Variants in PKNOX2 observed in about 807,000 individuals in gnomAD.
PKNOX2 encodes the protein homeobox protein PKNOX2.
Under a neutral mutation model 53.1 loss-of-function variants are expected in PKNOX2, and 14 were observed. That is an observed-to-expected ratio of 0.26 (90% CI 0.17 to 0.41). The LOEUF (loss-of-function observed/expected upper bound fraction) is 0.41, where lower values mean the gene tolerates loss of function less well. PKNOX2 is among the 10% of genes least tolerant of loss of function. The pLI, the probability that PKNOX2 is intolerant of heterozygous loss-of-function variation, is 1.00. For missense variants in PKNOX2, 496 were observed against 602.8 expected (o/e 0.82, Z 1.85); for synonymous variants, 257 against 242.8 (o/e 1.06, Z -0.54).
chr11:125,196,915 G>C (rs763991902), intron 1 of PKNOX2, among the ~76,000 whole-genome samples: 1 of 152,180 alleles, frequency 6.6e-6, no homozygotes, highest in Admixed American at 6.5e-5. Context: ...AGTAGTGCCT[G>C]GTATGCGGGT....
At chr11:125,216,441 GTGAGTCCCGGCAGGTGCTGAGGGGGCC>G (rs1489837382) in intron 1 of PKNOX2, among the ~76,000 whole-genome samples, 8 of 152,198 alleles carry the variant, frequency 5.3e-5, no homozygotes, top group Non-Finnish European at 8.8e-5. Context: ...TGGTAGGGGG[GTGAGTCCCGGCAGGTGCTGAGGGGGCC>G]TGAGAAACCC....
At chr11:125,291,355 A>T (rs899372860) in intron 2 of PKNOX2, among the ~76,000 whole-genome samples, 2 of 152,122 alleles carry the variant, frequency 1.3e-5, no homozygotes, top group African/African-American at 4.8e-5. Context: ...GCTTGGACTC[A>T]TCCCCTTCTT....
chr11:125,299,010 T>G (rs1444737286), intron 2 of PKNOX2, among the ~76,000 whole-genome samples: 1 of 152,114 alleles, frequency 6.6e-6, no homozygotes, highest in Non-Finnish European at 1.5e-5. Context: ...CTCACAGTTC[T>G]GCAGGCTGTA....
At chr11:125,400,119 G>C (rs1954649173) in intron 7 of PKNOX2, among the ~76,000 whole-genome samples, 1 of 152,124 alleles carries the variant, frequency 6.6e-6, no homozygotes, top group East Asian at 1.9e-4. Context: ...CGGCAGAAAG[G>C]CCATTGATCA....
At chr11:125,169,641 C>T (rs1281626930) in intron 1 of PKNOX2, among the ~76,000 whole-genome samples, 2 of 152,190 alleles carry the variant, frequency 1.3e-5, no homozygotes, top group African/African-American at 2.4e-5. Context: ...GTATCACACA[C>T]AGTTCTCACT....
At chr11:125,316,819 G>T (rs533528433) in intron 2 of PKNOX2, among the ~76,000 whole-genome samples, 1 of 152,306 alleles carries the variant, frequency 6.6e-6, no homozygotes, top group African/African-American at 2.4e-5. Context: ...GGATGGGGTG[G>T]CTGTGGCAAT....
At chr11:125,358,868 G>A (rs962158307) in intron 4 of PKNOX2, among the ~76,000 whole-genome samples, 12 of 152,196 alleles carry the variant, frequency 7.9e-5, no homozygotes, top group African/African-American at 2.9e-4. Flanking sequence ...GGCAGGCATG[G>A]GAGCTGGGAG....
At chr11:125,271,600 C>G (rs1421448653) in intron 2 of PKNOX2, among the ~76,000 whole-genome samples, 1 of 152,218 alleles carries the variant, frequency 6.6e-6, no homozygotes, top group Non-Finnish European at 1.5e-5. Context: ...TCAGAGGAGT[C>G]TCAGTTCCTG....
intron 1 of PKNOX2, among the ~76,000 whole-genome samples, chr11:125,180,594 C>T (rs1004670588): frequency 1.1e-4 from 16 of 152,258 alleles, no homozygotes; most frequent in East Asian, 3.9e-4. Context: ...TCACAGAGCT[C>T]GGAGCCAGAA....
At chr11:125,327,337 G>A (rs1447276438) in intron 2 of PKNOX2, among the ~76,000 whole-genome samples, 1 of 152,238 alleles carries the variant, frequency 6.6e-6, no homozygotes, top group Non-Finnish European at 1.5e-5. Flanking sequence ...AGTGCTGGAG[G>A]TGGGGAGGTC....
chr11:125,312,618 C>A (rs1242226355), intron 2 of PKNOX2, among the ~76,000 whole-genome samples: 1 of 152,144 alleles, frequency 6.6e-6, no homozygotes, highest in Non-Finnish European at 1.5e-5. Context: ...CCCACCGCAC[C>A]CTGCCTGCCA....
chr11:125,381,209 G>A (rs936722419), intron 5 of PKNOX2, among the ~76,000 whole-genome samples: 1 of 152,184 alleles, frequency 6.6e-6, no homozygotes, highest in Non-Finnish European at 1.5e-5. Flanking sequence ...GAAAAGCTGT[G>A]GGTGATCTCA....
intron 1 of PKNOX2, among the ~76,000 whole-genome samples, chr11:125,185,300 CA>C (rs1956387110): frequency 6.6e-6 from 1 of 151,968 alleles, no homozygotes; most frequent in Non-Finnish European, 1.5e-5. Flanking sequence ...GAGTTCAATT[CA>C]TTTTACATAA....
chr11:125,254,058 C>T (rs555308413), intron 2 of PKNOX2, among the ~76,000 whole-genome samples: 2 of 152,120 alleles, frequency 1.3e-5, no homozygotes, highest in Non-Finnish European at 2.9e-5. Context: ...CTCCTAGGGA[C>T]TGAAGAGCGC....
chr11:125,387,048 T>C (rs1245131578), intron 6 of PKNOX2, among the ~76,000 whole-genome samples: 4 of 152,182 alleles, frequency 2.6e-5, no homozygotes, highest in Non-Finnish European at 5.9e-5. Flanking sequence ...TGGCTGGGAT[T>C]GGCAGCCCCC....
intron 2 of PKNOX2, among the ~76,000 whole-genome samples, chr11:125,239,210 A>C (rs538657486): frequency 6.6e-6 from 1 of 152,386 alleles, no homozygotes; most frequent in East Asian, 1.9e-4. Context: ...TTGATATTTT[A>C]ATAATACACA....
At chr11:125,325,491 C>T (rs1481109512) in intron 2 of PKNOX2, among the ~76,000 whole-genome samples, 1 of 152,104 alleles carries the variant, frequency 6.6e-6, no homozygotes, top group Non-Finnish European at 1.5e-5. Context: ...GTATGGGGCT[C>T]AGTGGTCATG....
At chr11:125,235,415 C>T (rs1197113325) in intron 2 of PKNOX2, among the ~76,000 whole-genome samples, 1 of 152,240 alleles carries the variant, frequency 6.6e-6, no homozygotes, top group Non-Finnish European at 1.5e-5. Context: ...AAGGCCGACC[C>T]AGACCCCAGC....
At chr11:125,425,378 CT>C (rs981987000) in intron 10 of PKNOX2, among the ~76,000 whole-genome samples, 4 of 150,158 alleles carry the variant, frequency 2.7e-5, no homozygotes, top group Non-Finnish European at 4.4e-5. Flanking sequence ...TTCTGTACCT[CT>C]TTTTCTTTTT....
Sources: allele counts gnomAD v4.1 joint callset (sites outside exome capture counted in the v4.1 genomes callset), GRCh38; gene constraint gnomAD v4.1.1; transcripts MANE v1.5; gene names NCBI Gene and HGNC (gene_info 2026-07-23, HGNC 2026-07-21).